Variants in TRPC4 observed in about 807,000 individuals in gnomAD.
TRPC4 encodes the protein transient receptor potential cation channel subfamily C member 4, also known as short transient receptor potential channel 4.
Under a neutral mutation model 99.4 loss-of-function variants are expected in TRPC4, and 49 were observed. The observed-to-expected ratio is 0.49, with a 90% confidence interval of 0.39 to 0.63. TRPC4 has a LOEUF of 0.63. TRPC4 is among the 20% of genes least tolerant of loss of function. The pLI, the probability that TRPC4 is intolerant of heterozygous loss-of-function variation, is 0.00. For synonymous variants in TRPC4, 454 were observed against 425.9 expected, an observed-to-expected ratio of 1.07 and a Z score of -0.81; for missense variants, 898 against 1,152.9, an observed-to-expected ratio of 0.78 and a Z score of 3.20.
chr13:37,690,822 T>C (rs1051521883), intron 4 of TRPC4, among the ~76,000 whole-genome samples: 2 of 152,012 alleles, frequency 1.3e-5, no homozygotes, highest in Non-Finnish European at 2.9e-5. Flanking sequence ...CTTTTTTTTT[T>C]CTGCCTTGAT....
intron 1 of TRPC4, among the ~76,000 whole-genome samples, chr13:37,817,510 A>G (rs1957891419): frequency 6.6e-6 from 1 of 152,060 alleles, no homozygotes; most frequent in Non-Finnish European, 1.5e-5. Flanking sequence ...TCTTCAGGGT[A>G]GTAGAGAGAA....
intron 3 of TRPC4, 24 bp from the exon 4 acceptor site, chr13:37,692,359 GA>G (rs1953744853): frequency 3.1e-6 from 5 of 1,588,060 alleles, no homozygotes; most frequent in African/African-American, 1.3e-5. Context: ...AAAGGAAAAG[GA>G]AAAATAAGTC....
intron 3 of TRPC4, among the ~76,000 whole-genome samples, chr13:37,741,024 T>C (rs1955573683): frequency 6.6e-6 from 1 of 152,136 alleles, no homozygotes. Flanking sequence ...AATACCTTCA[T>C]GAAAGGGAAA....
Position 37,795,422 on chromosome 13 carries a change from T to C in TRPC4, c.-27-12062A>G, listed in dbSNP as rs1449432410. Among the ~76,000 whole-genome samples the C allele has an allele frequency of 2.6e-5, 4 of 152,170 alleles. No homozygotes were observed. In the East Asian group the frequency reaches 7.7e-4, roughly 29 times the overall value. On this transcript the variant is annotated intron_variant, in intron 1 of 10. Coordinates refer to ENST00000379705, the MANE Select transcript of TRPC4 (RefSeq NM_016179.4). ...GAGGAGCCTTGTTGACAGTCAATGG[T>C]AGACACTTTGTGGCAAGGTCTTCAG...
At position 37,655,101 on chromosome 13, in the gene TRPC4, T is replaced by A; in HGVS notation, c.1871A>T (p.Tyr624Phe). ...NMLIAMMNNS[Y>F]QLIADHADIE... ...TGGTCAACTTACAGCAATCAGTTGG[T>A]AAGAATTATTCATCATAGCTATTAA... The change falls in exon 7 of 11, where the codon TAC becomes TTC. Residue 624 changes from tyrosine to phenylalanine, a missense_variant. Physicochemically the swap from Tyr to Phe is conservative, Grantham distance 22. Transcript: ENST00000379705. 6.4e-7 allele frequency: 1 copy of A among 1,557,980 alleles called. No individual in the cohort carries two copies. The highest frequency in any genetic ancestry group is 8.7e-7 in the Non-Finnish European group (1 of 1,149,168).
intron 3 of TRPC4, among the ~76,000 whole-genome samples, chr13:37,707,066 C>A (rs1193768847): frequency 6.6e-6 from 1 of 152,018 alleles, no homozygotes; most frequent in East Asian, 1.9e-4. Flanking sequence ...GAATCTGTGT[C>A]CTTGAATAAT....
At position 37,823,819 on chromosome 13, in the gene TRPC4, G is replaced by T. The variant is rs566472326; in HGVS notation, c.-27-40459C>A. ...TCCAATTCTGTGAAGAAAGTCATTGGTAGCTTGATGGGGATGGCATTGAAT... is the reference window on the plus strand; with the variant it reads ...TCCAATTCTGTGAAGAAAGTCATTGTTAGCTTGATGGGGATGGCATTGAAT... On this transcript the variant is annotated intron_variant, in intron 1 of 10. Transcript: ENST00000379705. 1.9e-4 allele frequency among the ~76,000 whole-genome samples: 29 copies of T among 149,982 alleles called. No homozygotes were observed. In the South Asian group the frequency reaches 5.8e-3, roughly 30 times the overall value.
At chr13:37,726,486 T>C (rs928128856) in intron 3 of TRPC4, among the ~76,000 whole-genome samples, 1 of 151,964 alleles carries the variant, frequency 6.6e-6, no homozygotes, top group African/African-American at 2.4e-5. Flanking sequence ...AAAATAGCTA[T>C]GGAATATACA....
intron 1 of TRPC4, among the ~76,000 whole-genome samples, chr13:37,817,729 G>C (rs1566193435): frequency 6.6e-6 from 1 of 151,708 alleles, no homozygotes; most frequent in East Asian, 1.9e-4. Flanking sequence ...AAAAAAAAAG[G>C]CTGCACACCT....
chr13:37,858,594 A>G (rs553510764), intron 1 of TRPC4, among the ~76,000 whole-genome samples: 29 of 151,812 alleles, frequency 1.9e-4, no homozygotes, highest in African/African-American at 7.0e-4. Context: ...CTATTCAGCT[A>G]TAAAAAAGAA....
chr13:37,776,396 T>C (rs192242529), intron 2 of TRPC4, among the ~76,000 whole-genome samples: 1 of 151,934 alleles, frequency 6.6e-6, no homozygotes, highest in Admixed American at 6.6e-5. Context: ...GGGATAAGTA[T>C]TTTATGGGGA....
intron 3 of TRPC4, among the ~76,000 whole-genome samples, chr13:37,724,369 A>G (rs146283277): frequency 7.8e-4 from 119 of 152,294 alleles, no homozygotes; most frequent in African/African-American, 2.8e-3. Context: ...ATTCAACAAT[A>G]ATTCCCAACT....
chr13:37,759,846 G>A (rs73458385), intron 2 of TRPC4, among the ~76,000 whole-genome samples: 11,743 of 149,054 alleles, frequency 0.079, 490 homozygotes, highest in Non-Finnish European at 0.093. Context: ...CAGAAAAGCA[G>A]GGACAATGAG....
At chr13:37,806,270 CT>C (rs1046690689) in intron 1 of TRPC4, among the ~76,000 whole-genome samples, 22 of 152,104 alleles carry the variant, frequency 1.4e-4, no homozygotes, top group Admixed American at 2.6e-4. Context: ...CATCAGTGCA[CT>C]TTTTTTCTTT....
chr13:37,856,047 A>C (rs1959171471), intron 1 of TRPC4, among the ~76,000 whole-genome samples: 1 of 151,806 alleles, frequency 6.6e-6, no homozygotes, highest in Non-Finnish European at 1.5e-5. Context: ...AAGATAAATG[A>C]AATTGAAATT....
chr13:37,785,983 A>C (rs1456273906), intron 1 of TRPC4, among the ~76,000 whole-genome samples: 2 of 152,098 alleles, frequency 1.3e-5, no homozygotes, highest in African/African-American at 2.4e-5. Context: ...TTTAGTCAGC[A>C]CTGTAATTAA....
intron 1 of TRPC4, among the ~76,000 whole-genome samples, chr13:37,868,589 G>A (rs1414387351): frequency 1.3e-5 from 2 of 151,956 alleles, no homozygotes; most frequent in Non-Finnish European, 2.9e-5. Context: ...TGAGCTCTGA[G>A]AGGCGGTGTT....
At chr13:37,721,675 A>C (rs1954874034) in intron 3 of TRPC4, among the ~76,000 whole-genome samples, 1 of 152,236 alleles carries the variant, frequency 6.6e-6, no homozygotes, top group South Asian at 2.1e-4. Flanking sequence ...ATTTATAAAT[A>C]ACTTAGAATA....
chr13:37,726,341 A>T (rs1955056977), intron 3 of TRPC4, among the ~76,000 whole-genome samples: 1 of 152,192 alleles, frequency 6.6e-6, no homozygotes, highest in Admixed American at 6.5e-5. Flanking sequence ...TGTGATATCA[A>T]CCACTGAAAA....
Sources: gnomAD v4.1 joint callset for allele counts (sites outside exome capture counted in the v4.1 genomes callset) on GRCh38, gnomAD v4.1.1 for gene constraint, MANE v1.5 for transcripts, NCBI Gene and HGNC (gene_info 2026-07-23, HGNC 2026-07-21) for gene names.